Variants in ASH2L observed in about 807,000 individuals in gnomAD.
ASH2L encodes the protein set1/Ash2 histone methyltransferase complex subunit ASH2.
In ASH2L, 30 loss-of-function variants were observed where a neutral mutation model predicts 81.1. That is an observed-to-expected ratio of 0.37 (90% CI 0.28 to 0.50). The LOEUF (loss-of-function observed/expected upper bound fraction) is 0.50. ASH2L is among the 20% of genes least tolerant of loss of function. ASH2L has a pLI of 0.95. For missense variants in ASH2L, 559 were observed against 792.1 expected (o/e 0.71, Z 3.53); for synonymous variants, 273 against 279.9 (o/e 0.98, Z 0.24).
chr8:38,138,151 ATGCC>A (rs1802342257), intron 14 of ASH2L: 1 of 152,156 alleles, frequency 6.6e-6, no homozygotes, highest in Admixed American at 6.6e-5. Context: ...GTGGTGGTAC[ATGCC>A]TGCAGTCCCA....
Position 38,121,026 on chromosome 8 carries a change from C to G in ASH2L, c.1042C>G (p.Pro348Ala). Residue 348 changes from proline to alanine, a missense_variant, in exon 10 of 16, where the codon CCT becomes GCT. This residue lies in a region of ASH2L where 318 missense variants were observed against 527.0 expected (regional missense o/e 0.60). Transcript: ENST00000343823. Reference protein sequence around the residue: ...KDGYRYILAEPDPHAPDPEKL... With the variant: ...KDGYRYILAEADPHAPDPEKL... Reference sequence around the variant, plus strand: ...TGGCTATCGGTATATTCTAGCTGAGCCTGATCCGCACGCCCCTGACCCCGA... The same window carrying G: ...TGGCTATCGGTATATTCTAGCTGAGGCTGATCCGCACGCCCCTGACCCCGA... 2 of 1,613,826 alleles carry G rather than the reference C, an allele frequency of 1.2e-6. No individual in the cohort carries two copies. Among genetic ancestry groups the G allele is most frequent in the Non-Finnish European group, 1.7e-6 (2 of 1,179,994 alleles).
At chr8:38,133,399 C>T (rs1585608075) in intron 12 of ASH2L, 55 bp from the exon 13 acceptor site, 3 of 1,305,664 alleles carry the variant, frequency 2.3e-6, no homozygotes, top group Non-Finnish European at 3.2e-6. Context: ...GCGTTTTTTT[C>T]ATGATGATGG....
chr8:38,125,302 T>TA (rs1340177887), intron 10 of ASH2L, among the ~76,000 whole-genome samples: 1 of 152,184 alleles, frequency 6.6e-6, no homozygotes, highest in Non-Finnish European at 1.5e-5. Context: ...CTATGTACAC[T>TA]AAAAACTATG....
intron 1 of ASH2L, chr8:38,106,021 C>T: frequency 1.2e-5 from 19 of 1,529,476 alleles, no homozygotes; most frequent in Non-Finnish European, 1.7e-5. Context: ...GAGGCCTTCA[C>T]ATATTCCAGA....
At chr8:38,119,433 G>C in intron 9 of ASH2L, 70 bp downstream of exon 9, 1 of 1,273,246 alleles carries the variant, frequency 7.9e-7, no homozygotes, top group South Asian at 1.5e-5. Context: ...GTCCAGCAGA[G>C]GGAAGAGAGT....
At chr8:38,121,286 A>G (rs1811131556) in intron 10 of ASH2L, 137 bp downstream of exon 10, 2 of 553,518 alleles carry the variant, frequency 3.6e-6, no homozygotes. Context: ...ATTCATCCAG[A>G]ATGTGCAAGA....
At chr8:38,115,031 G>T in intron 7 of ASH2L, 31 bp downstream of exon 7, 2 of 1,436,216 alleles carry the variant, frequency 1.4e-6, no homozygotes, top group South Asian at 1.1e-5. Flanking sequence ...TTTTCTTTTT[G>T]ATTTTAAGCC....
chr8:38,108,713 C>T (rs147101170), intron 3 of ASH2L, among the ~76,000 whole-genome samples: 1,541 of 151,978 alleles, frequency 0.01, 28 homozygotes, highest in African/African-American at 0.035. Flanking sequence ...CCCAGCTACT[C>T]GGGAGGCAGG....
At chr8:38,125,405 G>A (rs1436093244) in intron 10 of ASH2L, among the ~76,000 whole-genome samples, 1 of 152,056 alleles carries the variant, frequency 6.6e-6, no homozygotes, top group Non-Finnish European at 1.5e-5. Flanking sequence ...TGGATCACCT[G>A]AGGTCGAGAG....
At position 38,114,202 on chromosome 8, in the gene ASH2L, C is replaced by T; in HGVS notation, c.596C>T (p.Pro199Leu). The part of the protein sequence containing the change: ...TMFSKDKDII[P>L]FIDKYWECMT... ...TATTTTGAAAATTAGGATATTATAC[C>T]ATTTATTGATAAATACTGGGAGTGC... is the stretch of plus-strand genomic sequence containing the variant. Residue 199 changes from proline to leucine, a missense_variant, in exon 6 of 16, where the codon CCA (proline) becomes CTA (leucine). By Grantham distance (98) the Pro-to-Leu change is moderately conservative. Coordinates refer to ENST00000343823, the MANE Select transcript of ASH2L (RefSeq NM_004674.5). 1 of 1,573,572 alleles carries T rather than the reference C, an allele frequency of 6.4e-7. No individual in the cohort carries two copies. Among genetic ancestry groups the T allele is most frequent in the Non-Finnish European group, 8.6e-7 (1 of 1,158,156 alleles).
In ASH2L at chr8:38,128,805, C is replaced by A. The variant is rs1183153786; in HGVS notation, c.1381C>A (p.Arg461=). The A allele has an allele frequency of 1.2e-6, 2 of 1,613,938 alleles. No individual in the cohort carries two copies. The highest frequency in any genetic ancestry group is 8.5e-7 in the Non-Finnish European group (1 of 1,179,974). ...TTATGATAAATTTAGCTATTCTTGG[C>A]GGAGCAAAAAGGGAACCAAGTTCCA... ...LGYDKFSYSW[R]SKKGTKFHQS... Residue 461 remains arginine, a synonymous_variant, in exon 12 of 16, where the codon CGG becomes AGG. Transcript: ENST00000343823.
intron 3 of ASH2L, among the ~76,000 whole-genome samples, chr8:38,107,644 C>A (rs1282049362): frequency 6.6e-6 from 1 of 152,060 alleles, no homozygotes; most frequent in Non-Finnish European, 1.5e-5. Context: ...AAACCTATTT[C>A]CAATCATGTA....
intron 8 of ASH2L, 87 bp from the exon 9 acceptor site, chr8:38,119,183 T>C (rs1811030985): frequency 5.2e-6 from 6 of 1,153,624 alleles, no homozygotes; most frequent in African/African-American, 1.6e-5. Context: ...CAAATGCACA[T>C]TGGGTGTGTT....
chr8:38,114,575 C>A lies in ASH2L; in HGVS notation c.681+288C>A, dbSNP rs540491974. ...TTTGTATTGAAATTAGAGACCATTT[C>A]TTTTCTTCTATTAAAAAAAAAGTTA... On this transcript the variant is annotated intron_variant, in intron 6 of 15. Transcript: ENST00000343823. 7.9e-5 allele frequency among the ~76,000 whole-genome samples: 12 copies of A among 152,110 alleles called. No homozygotes were observed. In the South Asian group the frequency reaches 1.9e-3, roughly 24 times the overall value.
At position 38,110,389 on chromosome 8, in the gene ASH2L, C is replaced by T. The variant is rs368450890; in HGVS notation, c.412C>T (p.Pro138Ser). Residue 138 changes from proline to serine, a missense_variant, in exon 4 of 16, where the codon CCT becomes TCT. Pro to Ser is a moderately conservative substitution (Grantham distance 74). This residue lies in a region of ASH2L where 318 missense variants were observed against 527.0 expected (regional missense o/e 0.60). Coordinates refer to ENST00000343823, the MANE Select transcript of ASH2L (RefSeq NM_004674.5). ...TFGIDTSSCLPFMTNYSFHCN... is the reference protein window; with the variant it reads ...TFGIDTSSCLSFMTNYSFHCN... Reference sequence around the variant, plus strand: ...TTGGCTCTTCGGCAGATCCTGTCTACCTTTCATGACCAACTACAGTTTTCA... The same window carrying T: ...TTGGCTCTTCGGCAGATCCTGTCTATCTTTCATGACCAACTACAGTTTTCA... 13 of 1,613,846 alleles carry T rather than the reference C, an allele frequency of 8.1e-6. No individual in the cohort carries two copies. The highest frequency in any genetic ancestry group is 1.1e-5 in the South Asian group (1 of 91,084).
intron 12 of ASH2L, among the ~76,000 whole-genome samples, chr8:38,130,724 G>A (rs929260467): frequency 2.6e-5 from 4 of 151,842 alleles, no homozygotes; most frequent in Non-Finnish European, 4.4e-5. Flanking sequence ...TTAGCCTCCC[G>A]ATTAGCTGGG....
chr8:38,114,948 C>T lies in ASH2L; in HGVS notation c.725C>T (p.Pro242Leu). 2 of 1,612,842 alleles carry T rather than the reference C, an allele frequency of 1.2e-6. No individual in the cohort carries two copies. Among genetic ancestry groups the T allele is most frequent in the Non-Finnish European group, 8.5e-7 (1 of 1,178,996 alleles). ...DVFLVKEHPDPGSKDPEEDYP... is the reference protein window; with the variant it reads ...DVFLVKEHPDLGSKDPEEDYP... ...TTCTTGGTAAAGGAACACCCAGATC[C>T]AGGCAGTAAAGATCCAGAAGAAGAT... The change falls in exon 7 of 16, where the codon CCA becomes CTA. Residue 242 changes from proline to leucine, a missense_variant. This residue lies in a region of ASH2L where 318 missense variants were observed against 527.0 expected (regional missense o/e 0.60). Transcript: ENST00000343823.
At chr8:38,136,479 T>C (rs1054236064) in intron 14 of ASH2L, among the ~76,000 whole-genome samples, 1 of 151,668 alleles carries the variant, frequency 6.6e-6, no homozygotes, top group East Asian at 1.9e-4. Flanking sequence ...GATACAGATA[T>C]ATAGAAAAGT....
At chr8:38,121,244 G>A in intron 10 of ASH2L, 95 bp downstream of exon 10, 4 of 1,088,694 alleles carry the variant, frequency 3.7e-6, no homozygotes, top group Admixed American at 1.9e-5. Flanking sequence ...ATCTCAGTCT[G>A]TTGCCACTGC....
Sources: allele counts gnomAD v4.1 joint callset (sites outside exome capture counted in the v4.1 genomes callset), GRCh38; gene constraint gnomAD v4.1.1; regional missense constraint gnomAD v4.1.1; transcripts MANE v1.5; gene names NCBI Gene and HGNC (gene_info 2026-07-23, HGNC 2026-07-21).